Variants in SATL1 observed in about 807,000 individuals in gnomAD.
The protein encoded by SATL1 is spermidine/spermine N(1)-acetyltransferase-like protein 1.
Under a neutral mutation model 51.8 loss-of-function variants are expected in SATL1, and 47 were observed. The observed-to-expected ratio is 0.91, with a 90% CI of 0.72 to 1.16. SATL1 has a LOEUF of 1.16. Ranked by LOEUF, SATL1 falls within the 50% of genes most tolerant of loss-of-function variation. The pLI is 0.00. For synonymous variants in SATL1, 176 were observed against 182.4 expected (o/e 0.97, Z 0.28); for missense variants, 520 against 526.4 (o/e 0.99, Z 0.12).
intron 2 of SATL1, among the ~76,000 whole-genome samples, chrX:85,119,389 G>T (rs902147789): frequency 2.7e-5 from 3 of 111,476 alleles, no homozygotes; most frequent in South Asian, 7.5e-4. Flanking sequence ...ATTGAGCCAG[G>T]TTCCAGATTC....
At chrX:85,124,050 G>C (rs1269768865) in intron 2 of SATL1, among the ~76,000 whole-genome samples, 2 of 111,527 alleles carry the variant, frequency 1.8e-5, no homozygotes, top group Non-Finnish European at 3.8e-5. Context: ...GTTTTAAAAA[G>C]TCAAGGACTG....
chrX:85,220,644 TAAAAAAAAAAAAAAAAAAAAAAAAAAA>T (rs57383092), intron 2 of SATL1, among the ~76,000 whole-genome samples: 695 of 24,172 alleles, frequency 0.029, 12 homozygotes, highest in Middle Eastern at 0.1. Flanking sequence ...ACTTCTGTGT[TAAAAAAAAAAAAAAAAAAAAAAAAAAA>T]AAAAAAAAAA....
intron 2 of SATL1, among the ~76,000 whole-genome samples, chrX:85,131,975 C>T (rs1602855832): frequency 8.9e-6 from 1 of 111,740 alleles, no homozygotes; most frequent in African/African-American, 3.3e-5. Flanking sequence ...TGAATACTGG[C>T]CCCCAGTCTC....
At chrX:85,161,031 A>G (rs1926706934) in intron 2 of SATL1, among the ~76,000 whole-genome samples, 1 of 112,200 alleles carries the variant, frequency 8.9e-6, no homozygotes, top group Non-Finnish European at 1.9e-5. Flanking sequence ...AAGAAAAGTA[A>G]TAACAACCAA....
intron 2 of SATL1, among the ~76,000 whole-genome samples, chrX:85,119,378 G>T (rs1483764906): frequency 9.0e-6 from 1 of 111,604 alleles, no homozygotes; most frequent in Non-Finnish European, 1.9e-5. Context: ...CCTTTAAAAT[G>T]ATTGAGCCAG....
chrX:85,097,006 C>CAGAT (rs1165646466), intron 4 of SATL1, among the ~76,000 whole-genome samples: 1 of 111,606 alleles, frequency 9.0e-6, no homozygotes, highest in Non-Finnish European at 1.9e-5. Context: ...CTGGTAAAGA[C>CAGAT]AGATACATGA....
At chrX:85,227,942 G>C (rs1294753776) in intron 1 of SATL1, among the ~76,000 whole-genome samples, 1 of 111,274 alleles carries the variant, frequency 9.0e-6, no homozygotes, top group Non-Finnish European at 1.9e-5. Context: ...AATACTTAGA[G>C]TTGTAATAAT....
At chrX:85,152,259 A>G (rs1215395833) in intron 2 of SATL1, among the ~76,000 whole-genome samples, 3 of 111,774 alleles carry the variant, frequency 2.7e-5, no homozygotes, top group Non-Finnish European at 5.7e-5. Context: ...AATCAAAACC[A>G]CAATGAGATA....
chrX:85,207,727 A>G (rs1028413965), intron 2 of SATL1: 2 of 111,448 alleles, frequency 1.8e-5, no homozygotes, highest in African/African-American at 6.5e-5. Flanking sequence ...ACAATACTCA[A>G]AAGGGTGTGT....
intron 2 of SATL1, among the ~76,000 whole-genome samples, chrX:85,172,534 T>G (rs1926994613): frequency 9.0e-6 from 1 of 111,164 alleles, no homozygotes; most frequent in Non-Finnish European, 1.9e-5. Context: ...GTGCTTTCCT[T>G]TATTCTATAC....
intron 2 of SATL1, among the ~76,000 whole-genome samples, chrX:85,202,034 C>T (rs746707803): frequency 1.8e-5 from 2 of 111,868 alleles, no homozygotes; most frequent in Non-Finnish European, 3.8e-5. Flanking sequence ...GTTGGGGAAT[C>T]GCCACTACTT....
intron 2 of SATL1, among the ~76,000 whole-genome samples, chrX:85,186,044 G>T (rs1927309640): frequency 9.1e-6 from 1 of 109,913 alleles, no homozygotes. Flanking sequence ...GATAAATTCT[G>T]CCAGGACTGG....
At chrX:85,225,648 C>T (rs758367286) in intron 1 of SATL1, among the ~76,000 whole-genome samples, 87 of 111,914 alleles carry the variant, frequency 7.8e-4, no homozygotes, top group African/African-American at 2.8e-3. Flanking sequence ...GAGGGATCAG[C>T]AGGCAAAGAG....
intron 2 of SATL1, among the ~76,000 whole-genome samples, chrX:85,203,027 G>A (rs1266044629): frequency 1.8e-5 from 2 of 111,454 alleles, no homozygotes; most frequent in Admixed American, 9.5e-5. Flanking sequence ...GAGGAGATAC[G>A]GGAATGGGCA....
intron 2 of SATL1, among the ~76,000 whole-genome samples, chrX:85,218,222 C>G (rs913196767): frequency 1.8e-5 from 2 of 110,512 alleles, no homozygotes; most frequent in Non-Finnish European, 3.8e-5. Context: ...CTGTAACACA[C>G]AGTTTACCTA....
At chrX:85,193,745 C>T (rs1927491462) in intron 2 of SATL1, among the ~76,000 whole-genome samples, 1 of 111,963 alleles carries the variant, frequency 8.9e-6, no homozygotes, top group African/African-American at 3.2e-5. Flanking sequence ...TCATTTAGCT[C>T]CCACTTATAA....
chrX:85,121,491 TTAGTATATAGTA>T lies in SATL1; in HGVS notation c.-312-12223_-312-12212del, dbSNP rs771034892. Among the ~76,000 whole-genome samples the T allele has an allele frequency of 3.0e-4, 31 of 104,405 alleles. No individual in the cohort carries two copies. The South Asian group carries it at 0.012, about 41-fold the overall frequency. 90.7% of individuals were successfully genotyped at this position (104,405 alleles called of 115,157 possible). ...ATTTATATAGTATATCTATTTCTTG[TTAGTATATAGTA>T]TATATACTAACAAGAAATAGCTAAT... On this transcript the variant is annotated intron_variant, in intron 2 of 7. Coordinates refer to ENST00000644105, the MANE Select transcript of SATL1 (RefSeq NM_001367857.2).
chrX:85,146,041 C>A (rs1000001190), intron 2 of SATL1, among the ~76,000 whole-genome samples: 1 of 109,733 alleles, frequency 9.1e-6, no homozygotes, highest in African/African-American at 3.3e-5. Context: ...GGACTACAGG[C>A]GCCCGCCACC....
chrX:85,171,932 T>C (rs1381284179), intron 2 of SATL1, among the ~76,000 whole-genome samples: 2 of 111,600 alleles, frequency 1.8e-5, no homozygotes, highest in Non-Finnish European at 3.8e-5. Flanking sequence ...CAACGTCTAG[T>C]AGTGCCATGG....
Sources: gnomAD v4.1 joint callset for allele counts (sites outside exome capture counted in the v4.1 genomes callset) on GRCh38, gnomAD v4.1.1 for gene constraint, MANE v1.5 for transcripts, NCBI Gene and HGNC (gene_info 2026-07-23, HGNC 2026-07-21) for gene names.